PFKFB3: variants seen among roughly 807,000 people sequenced by gnomAD.
PFKFB3 encodes 6-phosphofructo-2-kinase/fructose-2,6-bisphosphatase 3.
In PFKFB3, 33 loss-of-function variants were observed where a neutral mutation model predicts 68.0. The observed-to-expected ratio is 0.49, with a 90% CI of 0.37 to 0.65. The LOEUF (loss-of-function observed/expected upper bound fraction) is 0.65, where lower values mean the gene tolerates loss of function less well. Among genes scored for constraint, PFKFB3 ranks in the 30% least tolerant of loss-of-function variants. The probability of loss-of-function intolerance (pLI) is 0.00; values close to 1 mark genes in which losing one functional copy is unlikely to be tolerated. For synonymous variants in PFKFB3, 315 were observed against 288.2 expected (o/e 1.09, Z -0.94); for missense variants, 586 against 712.2 (o/e 0.82, Z 2.02).
chr10:6,153,066 C>T (rs954528628), intron 1 of PFKFB3, among the ~76,000 whole-genome samples: 16 of 151,950 alleles, frequency 1.1e-4, no homozygotes, highest in African/African-American at 2.9e-4. Context: ...TCTGTAATCC[C>T]AGCTACTCGG....
the PFKFB3 span, among the ~76,000 whole-genome samples, chr10:6,294,476 C>T: frequency 3.3e-5 from 5 of 152,130 alleles, no homozygotes; most frequent in Non-Finnish European, 5.9e-5. Context: ...CATCAGATCT[C>T]GTGAGACTTA....
chr10:6,221,653 G>T lies in PFKFB3; in HGVS notation c.991G>T (p.Glu331Ter). The T allele has an allele frequency of 6.2e-7, 1 of 1,610,940 alleles. No individual in the cohort carries two copies. The highest frequency in any genetic ancestry group is 8.5e-7 in the Non-Finnish European group (1 of 1,178,950). The change falls in exon 10 of 15, where the codon GAG becomes TAG. Residue 331 changes from glutamate (E) to a stop codon, truncating the protein, a stop_gained. Coordinates refer to ENST00000379775, the MANE Select transcript of PFKFB3 (RefSeq NM_004566.4). LOFTEE classifies it high-confidence loss of function. ...LNEIDAGVCE[E>*]LTYEEIRDTY... is the part of the protein sequence containing the mutation. Reference sequence around the variant, plus strand: ...TGGGTCCCCGCAGGGCGTCTGTGAGGAGCTGACCTACGAGGAGATCAGGGA... The same window carrying T: ...TGGGTCCCCGCAGGGCGTCTGTGAGTAGCTGACCTACGAGGAGATCAGGGA...
chr10:6,167,149 A>G (rs980278063), intron 1 of PFKFB3, among the ~76,000 whole-genome samples: 14 of 150,882 alleles, frequency 9.3e-5, no homozygotes, highest in African/African-American at 3.4e-4. Context: ...CAAATCTGAC[A>G]CTCCTCCCCT....
chr10:6,157,206 G>A (rs1481516559), intron 1 of PFKFB3, among the ~76,000 whole-genome samples: 1 of 151,648 alleles, frequency 6.6e-6, no homozygotes, highest in Non-Finnish European at 1.5e-5. Context: ...CAACAAAGGT[G>A]TCTGAATCTG....
chr10:6,264,175 G>A, the PFKFB3 span, among the ~76,000 whole-genome samples: 4,172 of 152,262 alleles, frequency 0.027, 83 homozygotes, highest in Middle Eastern at 0.054. Context: ...CATTAATCTA[G>A]AGGGACTGCT....
chr10:6,250,292 G>A (rs965826555), intron 14 of PFKFB3, among the ~76,000 whole-genome samples: 2 of 152,102 alleles, frequency 1.3e-5, no homozygotes, highest in African/African-American at 4.8e-5. Flanking sequence ...TCGGCCAGGC[G>A]CAGTGGCTTA....
the PFKFB3 span, among the ~76,000 whole-genome samples, chr10:6,270,844 A>G: frequency 1.0e-3 from 157 of 152,300 alleles, no homozygotes; most frequent in African/African-American, 3.6e-3. Flanking sequence ...CCTTGAGAGT[A>G]GGAACTGGGC....
intron 1 of PFKFB3, among the ~76,000 whole-genome samples, chr10:6,172,295 A>G (rs546127679): frequency 2.0e-5 from 3 of 152,206 alleles, no homozygotes; most frequent in Non-Finnish European, 4.4e-5. Flanking sequence ...AGGGAGGCGC[A>G]CAGGCGGGCC....
intron 1 of PFKFB3, among the ~76,000 whole-genome samples, chr10:6,190,679 G>T (rs1031673605): frequency 6.6e-6 from 1 of 152,142 alleles, no homozygotes; most frequent in African/African-American, 2.4e-5. Flanking sequence ...ACCAGATTTG[G>T]CCAGTGGGGA....
At chr10:6,291,438 G>C in the PFKFB3 span, among the ~76,000 whole-genome samples, 1 of 151,962 alleles carries the variant, frequency 6.6e-6, no homozygotes, top group Non-Finnish European at 1.5e-5. Context: ...TGCAGTCCCA[G>C]CTACTCAAGA....
In PFKFB3 at chr10:6,228,824, C is replaced by T. The variant is rs1023507595; in HGVS notation, c.1515+2459C>T. On this transcript the variant is annotated intron_variant, in intron 14 of 14. Transcript: ENST00000379775. This position sits in a 1 kb window ranked among gnomAD's most constrained non-coding sequence, Gnocchi z 4.5. ...TGGAGCCTGCTCAGCGTCATAGTCACGCCCGGGGCTGGGTGCAGCCTCCAT... is the reference window on the plus strand; with the variant it reads ...TGGAGCCTGCTCAGCGTCATAGTCATGCCCGGGGCTGGGTGCAGCCTCCAT... Among the ~76,000 whole-genome samples the T allele has an allele frequency of 3.3e-5, 5 of 152,188 alleles. No homozygotes were observed. Among genetic ancestry groups the T allele is most frequent in the African/African-American group, 4.8e-5 (2 of 41,450 alleles).
At chr10:6,251,288 C>A (rs1846375683) in intron 14 of PFKFB3, among the ~76,000 whole-genome samples, 1 of 152,154 alleles carries the variant, frequency 6.6e-6, no homozygotes, top group South Asian at 2.1e-4. Context: ...AACCAGCCAC[C>A]CACCTGCCCA....
intron 14 of PFKFB3, among the ~76,000 whole-genome samples, chr10:6,242,008 G>A (rs897047810): frequency 1.3e-5 from 2 of 151,826 alleles, no homozygotes; most frequent in African/African-American, 4.8e-5. Context: ...ACCATGTCCT[G>A]CTTAATTTTT....
At position 6,221,337 on chromosome 10, in the gene PFKFB3, C is replaced by G. The variant is rs776522413; in HGVS notation, c.832-44C>G. The G allele has an allele frequency of 1.6e-5, 26 of 1,608,352 alleles. No individual in the cohort carries two copies. In the South Asian group the frequency reaches 2.9e-4, roughly 18 times the overall value. ...GCTCCAGCCCTGGCTCTTGGAGGAG[C>G]TGCGGGCATCTGGAATCAGTGGTCC... On this transcript the variant is annotated intron_variant, in intron 8 of 14. Coordinates refer to ENST00000379775, the MANE Select transcript of PFKFB3 (RefSeq NM_004566.4).
the PFKFB3 span, among the ~76,000 whole-genome samples, chr10:6,284,256 A>T: frequency 6.6e-6 from 1 of 152,158 alleles, no homozygotes; most frequent in African/African-American, 2.4e-5. Context: ...TGCCTGCTAG[A>T]CCTATTTTTT....
intron 14 of PFKFB3, among the ~76,000 whole-genome samples, chr10:6,248,867 G>A (rs1345390110): frequency 6.6e-6 from 1 of 152,034 alleles, no homozygotes; most frequent in Non-Finnish European, 1.5e-5. Context: ...GTGTTGGTGA[G>A]GATGTGGAGA....
intron 13 of PFKFB3, chr10:6,224,450 G>A (rs923699337): frequency 1.9e-5 from 12 of 642,698 alleles, no homozygotes; most frequent in African/African-American, 1.6e-4. Context: ...TGCTGAGCTC[G>A]AGATATGAAT....
chr10:6,180,338 A>G (rs889935737), intron 1 of PFKFB3, among the ~76,000 whole-genome samples: 2 of 152,238 alleles, frequency 1.3e-5, no homozygotes, highest in Non-Finnish European at 2.9e-5. Context: ...TAACATTAAC[A>G]ACAGGCTTAT....
At chr10:6,178,296 G>A (rs2131776183) in intron 1 of PFKFB3, among the ~76,000 whole-genome samples, 1 of 152,306 alleles carries the variant, frequency 6.6e-6, no homozygotes, top group South Asian at 2.1e-4. Context: ...ACTGTGTGGG[G>A]CGCCCCTGCT....
Sources: allele counts gnomAD v4.1 joint callset (sites outside exome capture counted in the v4.1 genomes callset), GRCh38; gene constraint gnomAD v4.1.1; non-coding constraint Gnocchi (gnomAD v3.1); transcripts MANE v1.5; gene names NCBI Gene and HGNC (gene_info 2026-07-23, HGNC 2026-07-21).